The following CNTLN variants were observed in gnomAD, a reference collection of about 807,000 sequenced individuals.
CNTLN encodes the protein centlein, centrosomal protein.
CNTLN carries 212 observed loss-of-function variants against 180.0 expected under a neutral mutation model. The ratio of observed to expected loss-of-function variants is 1.18; its 90% CI spans 1.05 to 1.32. The LOEUF is 1.32. CNTLN is among the 40% of genes most tolerant of loss of function. CNTLN has a pLI of 0.00. For missense variants in CNTLN, 2,095 were observed against 1,610.9 expected, an observed-to-expected ratio of 1.30 and a Z score of -5.14; for synonymous variants, 722 against 563.1, an observed-to-expected ratio of 1.28 and a Z score of -3.99.
In CNTLN at chr9:17,261,320, C is replaced by A. The variant is rs536828711; in HGVS notation, c.850-12413C>A. ...CAATCCATGAGCATGGCATATTTTT[C>A]AATTGGTTTGTGTCATCTATGATTT... On this transcript the variant is annotated intron_variant, in intron 5 of 25. Transcript: ENST00000380647. Among the ~76,000 whole-genome samples the A allele has an allele frequency of 2.0e-3, 307 of 151,468 alleles. 14 individuals are homozygous for A. The highest frequency in any genetic ancestry group is 7.0e-3 in the African/African-American group (287 of 40,940).
intron 21 of CNTLN, among the ~76,000 whole-genome samples, chr9:17,464,860 G>C (rs2134202610): frequency 6.6e-6 from 1 of 151,006 alleles, no homozygotes; most frequent in East Asian, 1.9e-4. Context: ...TATCCCATGA[G>C]AAGATTAAAA....
At chr9:17,322,795 T>C (rs970132686) in intron 8 of CNTLN, among the ~76,000 whole-genome samples, 1 of 152,172 alleles carries the variant, frequency 6.6e-6, no homozygotes, top group Admixed American at 6.6e-5. Flanking sequence ...GCTGCTAGGC[T>C]TTACTTTCTA....
chr9:17,140,419 G>C (rs1047975627), intron 1 of CNTLN, among the ~76,000 whole-genome samples: 2 of 152,046 alleles, frequency 1.3e-5, no homozygotes, highest in African/African-American at 4.8e-5. Flanking sequence ...CAAAAAAATG[G>C]TGGGTGTATG....
Position 17,502,986 on chromosome 9 carries a change from A to T in CNTLN, c.*334A>T, listed in dbSNP as rs116815710. 7.9e-3 allele frequency: 1,236 copies of T among 156,782 alleles called. 11 individuals are homozygous for T. The highest frequency in any genetic ancestry group is 0.028 in the African/African-American group (1,183 of 41,752). 9.7% of individuals were successfully genotyped at this position (156,782 alleles called of 1,614,324 possible). A position where few individuals can be genotyped will look rare whatever the true frequency, so the allele number is the denominator to read the frequency against. On this transcript the variant is annotated 3_prime_UTR_variant, in exon 26 of 26. Coordinates refer to ENST00000380647, the MANE Select transcript of CNTLN (RefSeq NM_017738.4). ...TGGCCTGAGCATAAGAAGAAAAAGT[A>T]TCAACTAAGGATTTAATGTTTTACG...
intron 2 of CNTLN, among the ~76,000 whole-genome samples, chr9:17,158,625 T>C (rs534194714): frequency 3.0e-4 from 46 of 152,174 alleles, no homozygotes; most frequent in Middle Eastern, 3.4e-3. Flanking sequence ...CTAAGAATTT[T>C]CACATTTCTT....
At chr9:17,143,499 G>C (rs1172991802) in intron 2 of CNTLN, 123 bp downstream of exon 2, 1 of 721,486 alleles carries the variant, frequency 1.4e-6, no homozygotes, top group African/African-American at 2.1e-5. Context: ...AATAAATGTG[G>C]AGCTAAAAAT....
chr9:17,342,641 C>G (rs1055842980), intron 12 of CNTLN, among the ~76,000 whole-genome samples, 197 bp downstream of exon 12: 16 of 152,154 alleles, frequency 1.1e-4, no homozygotes, highest in Admixed American at 9.2e-4. Context: ...GTTGCTAGCT[C>G]TAACAGAAAC....
intron 25 of CNTLN, among the ~76,000 whole-genome samples, chr9:17,495,219 C>G (rs947232072): frequency 2.0e-5 from 3 of 151,348 alleles, no homozygotes; most frequent in African/African-American, 4.9e-5. Context: ...AGAGTGTACT[C>G]TTATACTTAT....
chr9:17,209,520 T>C (rs1023209184), intron 2 of CNTLN, among the ~76,000 whole-genome samples: 10 of 152,236 alleles, frequency 6.6e-5, no homozygotes, highest in Non-Finnish European at 1.5e-4. Context: ...AAGTGGGATG[T>C]TGAAGCCTCC....
At position 17,141,518 on chromosome 9, in the gene CNTLN, G is replaced by A. The variant is rs182111500; in HGVS notation, c.361-1770G>A. Reference sequence around the variant, plus strand: ...GTGAACAAGGAGGAAAGTGACAGATGAGGTTGGGGAGGTGTATATGGGCCA... The same window carrying A: ...GTGAACAAGGAGGAAAGTGACAGATAAGGTTGGGGAGGTGTATATGGGCCA... On this transcript the variant is annotated intron_variant, in intron 1 of 25. Coordinates refer to ENST00000380647, the MANE Select transcript of CNTLN (RefSeq NM_017738.4). Among the ~76,000 whole-genome samples, 11 of 152,284 alleles carry A rather than the reference G, an allele frequency of 7.2e-5. No homozygotes were observed. In the East Asian group the frequency reaches 2.1e-3, roughly 29 times the overall value.
intron 13 of CNTLN, 60 bp from the exon 14 acceptor site, chr9:17,388,102 G>T: frequency 9.4e-7 from 1 of 1,066,044 alleles, no homozygotes; most frequent in South Asian, 1.9e-5. Flanking sequence ...TTCTTAAAAT[G>T]ACAGGACAGT....
At chr9:17,158,716 C>A (rs182116722) in intron 2 of CNTLN, among the ~76,000 whole-genome samples, 1 of 152,054 alleles carries the variant, frequency 6.6e-6, no homozygotes, top group East Asian at 1.9e-4. Flanking sequence ...GGTAATATCC[C>A]CCCCTTTTAT....
At chr9:17,192,877 G>A (rs1188204713) in intron 2 of CNTLN, among the ~76,000 whole-genome samples, 3 of 152,112 alleles carry the variant, frequency 2.0e-5, no homozygotes, top group Non-Finnish European at 2.9e-5. Context: ...TGATAAAGAC[G>A]TACCTGAGAC....
intron 12 of CNTLN, among the ~76,000 whole-genome samples, chr9:17,359,163 C>T (rs996413025): frequency 2.6e-5 from 4 of 151,998 alleles, no homozygotes; most frequent in East Asian, 3.9e-4. Context: ...GTACTACAGG[C>T]GCATGCCACC....
chr9:17,275,240 A>G (rs2132530707), intron 6 of CNTLN, among the ~76,000 whole-genome samples: 1 of 152,092 alleles, frequency 6.6e-6, no homozygotes, highest in South Asian at 2.1e-4. Context: ...TTTTCATTTT[A>G]TATTGTTTAA....
intron 2 of CNTLN, among the ~76,000 whole-genome samples, chr9:17,159,390 AC>A (rs1265294632): frequency 6.6e-6 from 1 of 151,894 alleles, no homozygotes; most frequent in Non-Finnish European, 1.5e-5. Context: ...TCTTTGAGTG[AC>A]CCCCCAACTC....
intron 18 of CNTLN, among the ~76,000 whole-genome samples, chr9:17,420,673 T>C (rs1828649076): frequency 6.6e-6 from 1 of 152,158 alleles, no homozygotes; most frequent in Non-Finnish European, 1.5e-5. Context: ...TTTTCTTCTT[T>C]TTTGATGTAA....
intron 18 of CNTLN, among the ~76,000 whole-genome samples, chr9:17,432,554 C>T (rs1187438897): frequency 2.0e-5 from 3 of 151,816 alleles, no homozygotes; most frequent in Non-Finnish European, 4.4e-5. Context: ...AATTAGGACT[C>T]CTGAAGGATG....
intron 2 of CNTLN, among the ~76,000 whole-genome samples, chr9:17,169,033 T>C (rs557218068): frequency 6.6e-6 from 1 of 152,204 alleles, no homozygotes; most frequent in African/African-American, 2.4e-5. Flanking sequence ...CATCTTGCTT[T>C]GTCACCCAGG....
Sources: gnomAD v4.1 joint callset for allele counts (sites outside exome capture counted in the v4.1 genomes callset) on GRCh38, gnomAD v4.1.1 for gene constraint, MANE v1.5 for transcripts, NCBI Gene and HGNC (gene_info 2026-07-23, HGNC 2026-07-21) for gene names.